The following GLRA2 variants were observed in gnomAD, a reference collection of about 807,000 sequenced individuals.
The protein encoded by GLRA2 is glycine receptor alpha 2.
Under a neutral mutation model 31.6 loss-of-function variants are expected in GLRA2, and 11 were observed. That is an observed-to-expected ratio of 0.35 (90% CI 0.22 to 0.58). The LOEUF is 0.58. Ranked by LOEUF, GLRA2 falls within the 20% of genes least tolerant of loss-of-function variation. The pLI, the probability that GLRA2 is intolerant of heterozygous loss-of-function variation, is 0.84. For synonymous variants in GLRA2, 132 were observed against 134.0 expected (o/e 0.99, Z 0.10); for missense variants, 212 against 351.8 (o/e 0.60, Z 3.18).
chrX:14,660,040 T>A (rs1437938825), intron 7 of GLRA2, among the ~76,000 whole-genome samples: 1 of 111,623 alleles, frequency 9.0e-6, no homozygotes, highest in Non-Finnish European at 1.9e-5. Context: ...GTAATCTTCT[T>A]ATAGGTTATA....
the GLRA2 span, among the ~76,000 whole-genome samples, chrX:14,469,155 A>G: frequency 5.4e-5 from 6 of 110,889 alleles, no homozygotes; most frequent in Admixed American, 5.8e-4. Flanking sequence ...GCTGTGCAGA[A>G]GCTCTTTAGT....
At chrX:14,536,058 T>C (rs376602446) in intron 2 of GLRA2, among the ~76,000 whole-genome samples, 1 of 112,381 alleles carries the variant, frequency 8.9e-6, no homozygotes, top group Non-Finnish European at 1.9e-5. Flanking sequence ...GAGATAATTA[T>C]TCATTCCACT....
intron 4 of GLRA2, among the ~76,000 whole-genome samples, chrX:14,592,444 T>A (rs2090154611): frequency 9.1e-6 from 1 of 109,868 alleles, no homozygotes; most frequent in African/African-American, 3.3e-5. Context: ...CTGAGGAGGG[T>A]GTATCACTTT....
chrX:14,509,931 C>T, the GLRA2 span, among the ~76,000 whole-genome samples: 2 of 111,467 alleles, frequency 1.8e-5, no homozygotes, highest in African/African-American at 6.5e-5. Flanking sequence ...AATGTTTGCT[C>T]ACAGCTAGCA....
At chrX:14,499,811 C>A in the GLRA2 span, among the ~76,000 whole-genome samples, 32 of 110,796 alleles carry the variant, frequency 2.9e-4, no homozygotes, top group African/African-American at 9.8e-4. Context: ...GCACTGTAAT[C>A]TTGTATGATA....
chrX:14,499,596 T>G, the GLRA2 span, among the ~76,000 whole-genome samples: 1 of 111,295 alleles, frequency 9.0e-6, no homozygotes, highest in African/African-American at 3.3e-5. Context: ...CTAAGCAAAT[T>G]AATATGGAAA....
chrX:14,462,950 A>AT, the GLRA2 span, among the ~76,000 whole-genome samples: 109 of 111,715 alleles, frequency 9.8e-4, 1 homozygote, highest in African/African-American at 3.1e-3. Flanking sequence ...ATTTTCAGCC[A>AT]TTCTGCTCTG....
intron 8 of GLRA2, among the ~76,000 whole-genome samples, chrX:14,691,730 A>G (rs988306660): frequency 3.6e-5 from 4 of 111,820 alleles, no homozygotes; most frequent in African/African-American, 1.3e-4. Context: ...TTATAACCCA[A>G]TCTCATAGAG....
At chrX:14,571,352 G>T (rs1188571208) in intron 2 of GLRA2, among the ~76,000 whole-genome samples, 6 of 111,849 alleles carry the variant, frequency 5.4e-5, no homozygotes, top group African/African-American at 1.9e-4. Context: ...CAGATGAAAG[G>T]TTGTGCTGAC....
intron 7 of GLRA2, among the ~76,000 whole-genome samples, chrX:14,683,469 T>G (rs1329397008): frequency 9.0e-6 from 1 of 111,348 alleles, no homozygotes; most frequent in Non-Finnish European, 1.9e-5. Flanking sequence ...ATGAGTAGAT[T>G]GCAAAAATTT....
intron 8 of GLRA2, among the ~76,000 whole-genome samples, chrX:14,693,405 C>G (rs1356834904): frequency 1.8e-5 from 2 of 111,548 alleles, no homozygotes; most frequent in Non-Finnish European, 3.8e-5. Flanking sequence ...AAAATGATCA[C>G]TTCAATAGGG....
chrX:14,715,256 T>C lies in GLRA2; in HGVS notation c.1081-14951T>C, dbSNP rs143419716. ...TTTCAAAAATAGAAAACCTCAGTTA[T>C]TGAGTGACATTGTTAAGCTTAGGTT... On this transcript the variant is annotated intron_variant, in intron 8 of 8. Transcript: ENST00000218075. Among the ~76,000 whole-genome samples the C allele has an allele frequency of 6.0e-3, 676 of 112,475 alleles. 3 individuals are homozygous for C. Among genetic ancestry groups the C allele is most frequent in the African/African-American group, 0.021 (650 of 31,016 alleles).
chrX:14,685,647 G>A (rs1286009877), intron 7 of GLRA2, among the ~76,000 whole-genome samples: 1 of 111,637 alleles, frequency 9.0e-6, no homozygotes, highest in African/African-American at 3.3e-5. Context: ...GTATTTCTGT[G>A]GGATCGGTGG....
intron 4 of GLRA2, among the ~76,000 whole-genome samples, chrX:14,600,852 T>C (rs995955867): frequency 1.8e-5 from 2 of 111,516 alleles, no homozygotes; most frequent in African/African-American, 6.5e-5. Context: ...AGACAAGTTA[T>C]GAATGAACAT....
chrX:14,515,038 T>C, the GLRA2 span, among the ~76,000 whole-genome samples: 1 of 111,791 alleles, frequency 8.9e-6, no homozygotes, highest in African/African-American at 3.2e-5. Flanking sequence ...TTTACTCTTA[T>C]TTTATTTTTC....
intron 2 of GLRA2, among the ~76,000 whole-genome samples, chrX:14,566,823 T>C (rs2089813657): frequency 9.0e-6 from 1 of 111,203 alleles, no homozygotes. Flanking sequence ...AACCACCAAT[T>C]AAAGCCCCCC....
chrX:14,486,076 G>A, the GLRA2 span, among the ~76,000 whole-genome samples: 2 of 111,002 alleles, frequency 1.8e-5, no homozygotes. Context: ...AGACTAGTGG[G>A]AAAAAAGAGA....
At chrX:14,650,286 A>G (rs1228648203) in intron 7 of GLRA2, among the ~76,000 whole-genome samples, 1 of 110,981 alleles carries the variant, frequency 9.0e-6, no homozygotes, top group Non-Finnish European at 1.9e-5. Flanking sequence ...TTGATTTTCT[A>G]CATAGGACAC....
In GLRA2 at chrX:14,698,581, G is replaced by A. The variant is rs1157570286; in HGVS notation, c.1080+7722G>A. On this transcript the variant is annotated intron_variant, in intron 8 of 8. Coordinates refer to ENST00000218075, the MANE Select transcript of GLRA2 (RefSeq NM_002063.4). The stretch of plus-strand genomic sequence containing the variant: ...TGGTCCCAGGAACTCATGAGGCTGA[G>A]GCAGGAGAATCACTTGAACCCGGGA... Among the ~76,000 whole-genome samples, 4 of 104,070 alleles carry A rather than the reference G, an allele frequency of 3.8e-5. No homozygotes were observed. The East Asian group carries it at 9.0e-4, about 24-fold the overall frequency. 90.4% of individuals were successfully genotyped at this position (104,070 alleles called of 115,157 possible). A position where few individuals can be genotyped will look rare whatever the true frequency, so the allele number is the denominator to read the frequency against.
Sources: allele counts gnomAD v4.1 joint callset (sites outside exome capture counted in the v4.1 genomes callset), GRCh38; gene constraint gnomAD v4.1.1; transcripts MANE v1.5; gene names NCBI Gene and HGNC (gene_info 2026-07-23, HGNC 2026-07-21).